The following SPARC variants were observed in gnomAD, a reference collection of about 807,000 sequenced individuals.
SPARC encodes the protein secreted protein acidic and cysteine rich.
In SPARC, 23 loss-of-function variants were observed where a neutral mutation model predicts 37.7. The observed-to-expected ratio is 0.61, with a 90% CI of 0.44 to 0.87. SPARC has a LOEUF of 0.87. Among genes scored for constraint, SPARC ranks in the 40% least tolerant of loss-of-function variants. The pLI, the probability that SPARC is intolerant of heterozygous loss-of-function variation, is 0.00. For missense variants in SPARC, 312 were observed against 389.0 expected, an observed-to-expected ratio of 0.80 and a Z score of 1.66; for synonymous variants, 155 against 150.8, an observed-to-expected ratio of 1.03 and a Z score of -0.20.
At chr5:151,665,107 G>A (rs957723463) in intron 8 of SPARC, among the ~76,000 whole-genome samples, 1 of 152,300 alleles carries the variant, frequency 6.6e-6, no homozygotes, top group East Asian at 1.9e-4. Flanking sequence ...TTGTACTGGT[G>A]GAAAACTGAG....
chr5:151,684,497 C>T (rs1390864960), intron 1 of SPARC, among the ~76,000 whole-genome samples: 1 of 151,080 alleles, frequency 6.6e-6, no homozygotes, highest in African/African-American at 2.4e-5. Flanking sequence ...CAAGAAGTTC[C>T]CCAAATCAAA....
At chr5:151,668,735 T>G (rs1760683540) in intron 6 of SPARC, among the ~76,000 whole-genome samples, 1 of 152,108 alleles carries the variant, frequency 6.6e-6, no homozygotes, top group Non-Finnish European at 1.5e-5. Flanking sequence ...TCATAAAGAC[T>G]CCTTAAGACA....
intron 5 of SPARC, among the ~76,000 whole-genome samples, chr5:151,671,026 G>A (rs1353632852): frequency 6.6e-6 from 1 of 152,160 alleles, no homozygotes; most frequent in Non-Finnish European, 1.5e-5. Flanking sequence ...CGGATGGATG[G>A]ATCCTATTGG....
At chr5:151,675,261 A>G (rs1397516728) in intron 2 of SPARC, among the ~76,000 whole-genome samples, 1 of 152,048 alleles carries the variant, frequency 6.6e-6, no homozygotes, top group Non-Finnish European at 1.5e-5. Flanking sequence ...GTCTGCCATC[A>G]CTCCCACTTC....
intron 1 of SPARC, among the ~76,000 whole-genome samples, chr5:151,683,374 GTGTGTTTCCAAAC>G (rs1481529219): frequency 6.6e-6 from 1 of 152,228 alleles, no homozygotes; most frequent in Non-Finnish European, 1.5e-5. Flanking sequence ...GTGTGCATAA[GTGTGTTTCCAAAC>G]TGAACAAATG....
chr5:151,665,895 T>C (rs533496654), intron 8 of SPARC, among the ~76,000 whole-genome samples: 4 of 152,266 alleles, frequency 2.6e-5, no homozygotes, highest in East Asian at 3.9e-4. Context: ...GCTTGCAAAA[T>C]AGACAGGCTT....
intron 1 of SPARC, among the ~76,000 whole-genome samples, chr5:151,683,053 T>G (rs1370534525): frequency 3.0e-5 from 4 of 134,364 alleles, no homozygotes; most frequent in East Asian, 2.6e-4. Flanking sequence ...GCCCTGGCCC[T>G]GCACAGCCCA....
In SPARC at chr5:151,663,534, G is replaced by A. The variant is rs754800867; in HGVS notation, c.*37C>T. ...CATTGGGGGAAACACGAAGGGGAGG[G>A]TTAAAGAGAGAATCCGGTACTGTGG... On this transcript the variant is annotated 3_prime_UTR_variant, in exon 10 of 10. Transcript: ENST00000231061. The A allele has an allele frequency of 3.2e-5, 51 of 1,600,630 alleles. No individual in the cohort carries two copies. The highest frequency in any genetic ancestry group is 6.6e-5 in the South Asian group (6 of 90,690).
chr5:151,665,785 A>AAGC (rs1189755716), intron 8 of SPARC, among the ~76,000 whole-genome samples: 2 of 152,210 alleles, frequency 1.3e-5, no homozygotes, highest in Non-Finnish European at 2.9e-5. Context: ...CACACTCCAT[A>AAGC]AGCATTTGCT....
intron 1 of SPARC, among the ~76,000 whole-genome samples, chr5:151,681,753 C>A (rs943667030): frequency 8.5e-5 from 13 of 152,244 alleles, no homozygotes; most frequent in African/African-American, 2.9e-4. Context: ...ATTAGCCGGG[C>A]ATGGTGGCGG....
In SPARC at chr5:151,673,210, C is replaced by G; in HGVS notation, c.127G>C (p.Val43Leu). 6.2e-7 allele frequency: 1 copy of G among 1,610,998 alleles called. No individual in the cohort carries two copies. Among genetic ancestry groups the G allele is most frequent in the South Asian group, 1.1e-5 (1 of 91,038 alleles). Residue 43 changes from valine to leucine, a missense_variant, in exon 4 of 10, where the codon GTG (valine) becomes CTG (leucine). Transcript: ENST00000231061. ...TCCACCTGGACAGGATTAGCTCCCA[C>G]AGATACCTGGAATTGAGGGAGAAGA... is the stretch of plus-strand genomic sequence containing the variant. ...ETVAEVTEVS[V>L]GANPVQVEVG...
chr5:151,672,909 A>T (rs886104753), intron 4 of SPARC: 1 of 555,384 alleles, frequency 1.8e-6, no homozygotes, highest in Non-Finnish European at 3.3e-6. Context: ...CCTTCCTACC[A>T]CACACATGGA....
chr5:151,671,777 G>A, intron 4 of SPARC, 83 bp from the exon 5 acceptor site: 1 of 1,561,116 alleles, frequency 6.4e-7, no homozygotes, highest in Non-Finnish European at 8.7e-7. Context: ...TCTCAGGGCT[G>A]ACAGTCCTTG....
At chr5:151,685,371 G>A (rs1279895443) in intron 1 of SPARC, 1 of 151,230 alleles carries the variant, frequency 6.6e-6, no homozygotes, top group Admixed American at 6.6e-5. Flanking sequence ...AAAGCTGAAA[G>A]CTGTGACCAC....
chr5:151,670,451 G>A (rs1408323133), intron 5 of SPARC, among the ~76,000 whole-genome samples: 2 of 152,242 alleles, frequency 1.3e-5, no homozygotes, highest in Admixed American at 1.3e-4. Flanking sequence ...CCTCTTTGTA[G>A]CTGGGGTAAG....
intron 6 of SPARC, among the ~76,000 whole-genome samples, chr5:151,668,312 C>G (rs1581521735): frequency 6.6e-6 from 1 of 151,992 alleles, no homozygotes; most frequent in African/African-American, 2.4e-5. Flanking sequence ...GCCACCATAC[C>G]CAGCTAATTT....
chr5:151,680,290 C>T (rs1022491755), intron 1 of SPARC, among the ~76,000 whole-genome samples: 4 of 125,960 alleles, frequency 3.2e-5, no homozygotes, highest in African/African-American at 1.3e-4. Context: ...GTGGTTGGCG[C>T]AATCTCAGCT....
chr5:151,664,173 G>A lies in SPARC; in HGVS notation c.797C>T (p.Thr266Ile), dbSNP rs952158537. 6.2e-7 allele frequency: 1 copy of A among 1,614,158 alleles called. No individual in the cohort carries two copies. The highest frequency in any genetic ancestry group is 1.3e-5 in the African/African-American group (1 of 75,052). ...RAPLIPMEHC[T>I]TRFFETCDLD... is the part of the protein sequence containing the mutation. ...GTCACAGGTCTCGAAAAAGCGGGTGGTGCAATGCTCCATGGGGATGAGGGG... is the reference window on the plus strand; with the variant it reads ...GTCACAGGTCTCGAAAAAGCGGGTGATGCAATGCTCCATGGGGATGAGGGG... Residue 266 changes from threonine (T) to isoleucine (I), a missense_variant, in exon 9 of 10, where the codon ACC becomes ATC. Thr to Ile is a moderately conservative substitution (Grantham distance 89). Coordinates refer to ENST00000231061, the MANE Select transcript of SPARC (RefSeq NM_003118.4).
intron 7 of SPARC, among the ~76,000 whole-genome samples, chr5:151,667,257 G>A (rs1408221219): frequency 6.6e-6 from 1 of 152,204 alleles, no homozygotes; most frequent in Non-Finnish European, 1.5e-5. Flanking sequence ...AGCAAAGGGA[G>A]CAGGTCTCTG....
Sources: gnomAD v4.1 joint callset for allele counts (sites outside exome capture counted in the v4.1 genomes callset) on GRCh38, gnomAD v4.1.1 for gene constraint, MANE v1.5 for transcripts, NCBI Gene and HGNC (gene_info 2026-07-23, HGNC 2026-07-21) for gene names.